The following SAMSN1 variants were observed in gnomAD, a reference collection of about 807,000 sequenced individuals.
The protein encoded by SAMSN1 is SAM domain, SH3 domain and nuclear localization signals 1.
Under a neutral mutation model 42.0 loss-of-function variants are expected in SAMSN1, and 31 were observed. That is an observed-to-expected ratio of 0.74 (90% CI 0.55 to 1.00). SAMSN1 has a LOEUF of 1.00. SAMSN1 is among the 50% of genes least tolerant of loss of function. SAMSN1 has a pLI of 0.00. For synonymous variants in SAMSN1, 178 were observed against 151.9 expected (o/e 1.17, Z -1.26); for missense variants, 464 against 439.4 (o/e 1.06, Z -0.50).
At chr21:14,612,294 T>C (rs920179196) in intron 4 of SAMSN1, among the ~76,000 whole-genome samples, 37 of 152,190 alleles carry the variant, frequency 2.4e-4, no homozygotes, top group Non-Finnish European at 7.3e-5. Context: ...ATTGTGAATG[T>C]TTTATAATTA....
intron 1 of SAMSN1, among the ~76,000 whole-genome samples, chr21:14,529,126 G>A (rs765047077): frequency 2.0e-5 from 3 of 152,178 alleles, no homozygotes; most frequent in Non-Finnish European, 2.9e-5. Flanking sequence ...CACTGTGGAC[G>A]AACTCATTTA....
chr21:14,516,998 T>G lies in SAMSN1; in HGVS notation c.173A>C (p.Lys58Thr). 6.2e-7 allele frequency: 1 copy of G among 1,613,612 alleles called. No homozygotes were observed. The highest frequency in any genetic ancestry group is 1.1e-5 in the South Asian group (1 of 90,998). ...CAAACCGCCTCCATTATTTGAAGTT[T>G]TACTTTGTTCTCCACTTCCATTTGT... is the stretch of plus-strand genomic sequence containing the variant. ...DPTNGSGEQS[K>T]TSNNGGGLGK... The change falls in exon 3 of 8, where the codon AAA becomes ACA. Residue 58 changes from lysine (K) to threonine (T), a missense_variant. By Grantham distance (78) the Lys-to-Thr change is moderately conservative. Transcript: ENST00000400566.
At position 14,574,760 on chromosome 21, in the gene SAMSN1, C is replaced by T. The variant is rs7283445; in HGVS notation, c.261+7376G>A. Among the ~76,000 whole-genome samples the T allele has an allele frequency of 6.2e-3, 939 of 152,228 alleles. 5 individuals are homozygous for T. The highest frequency in any genetic ancestry group is 0.021 in the African/African-American group (880 of 41,558). ...GTAAAATGTTTTATTGGAAAAGACA[C>T]TTAAACATTTTATGCACATTTATGA... On this transcript the variant is annotated intron_variant, in intron 2 of 8. Coordinates refer to the SAMSN1 transcript ENST00000285670.
chr21:14,494,530 G>A (rs903034777), intron 7 of SAMSN1, among the ~76,000 whole-genome samples: 3 of 152,130 alleles, frequency 2.0e-5, no homozygotes, highest in Non-Finnish European at 4.4e-5. Flanking sequence ...ACACAGGGAG[G>A]GGAACATCAC....
At chr21:14,601,225 G>T (rs1028334626) in intron 6 of SAMSN1, among the ~76,000 whole-genome samples, 1 of 152,106 alleles carries the variant, frequency 6.6e-6, no homozygotes, top group Non-Finnish European at 1.5e-5. Context: ...TGTAGCATAG[G>T]CCTATCACTC....
At chr21:14,618,375 ATTAC>A (rs1268768607) in intron 2 of SAMSN1, among the ~76,000 whole-genome samples, 1 of 152,202 alleles carries the variant, frequency 6.6e-6, no homozygotes, top group African/African-American at 2.4e-5. Flanking sequence ...AGGAAGAGGG[ATTAC>A]TTAAACAGGC....
At position 14,546,225 on chromosome 21, in the gene SAMSN1, C is replaced by T. The variant is rs752375343; in HGVS notation, c.37G>A (p.Glu13Lys). ...CTTACCTTTGGTTTTTGATGTTTCT[C>T]CTTCTCTGAAACATTGGATGGCTTT... ...KRKPSNVSEK[E>K]KHQKPKRSSS... The change falls in exon 1 of 8, where the codon GAG (glutamate) becomes AAG (lysine). Residue 13 changes from glutamate to lysine, a missense_variant. By Grantham distance (56) the Glu-to-Lys change is moderately conservative (BLOSUM62 1). Coordinates refer to ENST00000400566, the MANE Select transcript of SAMSN1 (RefSeq NM_022136.5). 6.2e-7 allele frequency: 1 copy of T among 1,613,154 alleles called. No homozygotes were observed. Among genetic ancestry groups the T allele is most frequent in the Non-Finnish European group, 8.5e-7 (1 of 1,179,596 alleles).
intron 2 of SAMSN1, among the ~76,000 whole-genome samples, chr21:14,518,283 T>C (rs915150285): frequency 2.0e-5 from 3 of 152,246 alleles, no homozygotes; most frequent in African/African-American, 4.8e-5. Flanking sequence ...CCCGATAATA[T>C]GTTTGTTCAT....
chr21:14,614,887 C>T (rs965009009), intron 3 of SAMSN1, among the ~76,000 whole-genome samples: 2 of 152,028 alleles, frequency 1.3e-5, no homozygotes, highest in African/African-American at 4.8e-5. Context: ...AATCTGAGGC[C>T]CACCTTAACT....
At chr21:14,563,443 T>C (rs1981010077) in intron 2 of SAMSN1, among the ~76,000 whole-genome samples, 1 of 152,222 alleles carries the variant, frequency 6.6e-6, no homozygotes. Flanking sequence ...AACTTTTGTG[T>C]ACACAATTTA....
At chr21:14,652,923 C>T (rs1983858993) in intron 1 of SAMSN1, among the ~76,000 whole-genome samples, 3 of 151,970 alleles carry the variant, frequency 2.0e-5, no homozygotes, top group Admixed American at 2.0e-4. Context: ...GGCAAACAGG[C>T]ATGTGAAAAA....
At chr21:14,601,139 G>A (rs1345775908) in intron 6 of SAMSN1, among the ~76,000 whole-genome samples, 1 of 152,158 alleles carries the variant, frequency 6.6e-6, no homozygotes, top group African/African-American at 2.4e-5. Context: ...AGCTCTGTCT[G>A]ATATCAGAGC....
chr21:14,572,877 A>T (rs1981343577), intron 2 of SAMSN1, among the ~76,000 whole-genome samples: 1 of 152,188 alleles, frequency 6.6e-6, no homozygotes, highest in Admixed American at 6.6e-5. Flanking sequence ...ACTTTGGATT[A>T]TATGTAGATT....
chr21:14,533,787 C>T (rs1212869629), intron 1 of SAMSN1, among the ~76,000 whole-genome samples: 1 of 152,150 alleles, frequency 6.6e-6, no homozygotes, highest in Non-Finnish European at 1.5e-5. Flanking sequence ...ACACAGGACA[C>T]CAGATCATTG....
intron 3 of SAMSN1, among the ~76,000 whole-genome samples, chr21:14,615,024 C>T (rs934644439): frequency 2.0e-5 from 3 of 152,074 alleles, no homozygotes; most frequent in Non-Finnish European, 2.9e-5. Context: ...CATAAGCAAA[C>T]GGCTACTATT....
chr21:14,571,509 A>G (rs115650223), intron 2 of SAMSN1, among the ~76,000 whole-genome samples: 1,880 of 152,284 alleles, frequency 0.012, 25 homozygotes, highest in African/African-American at 0.042. Context: ...AGTGAATTCA[A>G]CCACTTGCTT....
At chr21:14,522,520 G>T (rs1486364709) in intron 1 of SAMSN1, among the ~76,000 whole-genome samples, 4 of 152,080 alleles carry the variant, frequency 2.6e-5, no homozygotes, top group Non-Finnish European at 5.9e-5. Flanking sequence ...ATAAAACTTT[G>T]TACAACAAGG....
At chr21:14,558,597 T>C (rs1310986005) in intron 2 of SAMSN1, among the ~76,000 whole-genome samples, 1 of 151,918 alleles carries the variant, frequency 6.6e-6, no homozygotes, top group African/African-American at 2.4e-5. Flanking sequence ...AGGAGAATTG[T>C]CTCAACCCAA....
chr21:14,539,963 G>A (rs905232337), intron 1 of SAMSN1, among the ~76,000 whole-genome samples: 4 of 152,104 alleles, frequency 2.6e-5, no homozygotes, highest in African/African-American at 9.7e-5. Context: ...CAATGGAACA[G>A]AACAGAGCCC....
Sources: allele counts gnomAD v4.1 joint callset (sites outside exome capture counted in the v4.1 genomes callset), GRCh38; gene constraint gnomAD v4.1.1; transcripts MANE v1.5; gene names NCBI Gene and HGNC (gene_info 2026-07-23, HGNC 2026-07-21).